The following ADGRB3 variants were observed in gnomAD, a reference collection of about 807,000 sequenced individuals.
ADGRB3 encodes adhesion G protein-coupled receptor B3, also known as brain-specific angiogenesis inhibitor 3.
A neutral mutation model predicts 193.4 loss-of-function variants in ADGRB3; 37 were observed. The observed-to-expected ratio is 0.19, with a 90% CI of 0.15 to 0.25. The LOEUF (loss-of-function observed/expected upper bound fraction) is 0.25. ADGRB3 is among the 10% of genes least tolerant of loss of function. The pLI, the probability that ADGRB3 is intolerant of heterozygous loss-of-function variation, is 1.00. For synonymous variants in ADGRB3, 690 were observed against 644.2 expected, an observed-to-expected ratio of 1.07 and a Z score of -1.08; for missense variants, 1,637 against 1,852.9, an observed-to-expected ratio of 0.88 and a Z score of 2.14.
chr6:69,150,521 G>A lies in ADGRB3; in HGVS notation c.2480+74483G>A, dbSNP rs1378935077. Among the ~76,000 whole-genome samples the A allele has an allele frequency of 3.3e-5, 5 of 152,156 alleles. No homozygotes were observed. The East Asian group carries it at 9.6e-4, about 29-fold the overall frequency. ...TTTCAGGTCAGTGCCCTACATCCTAGCCCAGAACAGGTCCATAAATTCCAT... is the reference window on the plus strand; with the variant it reads ...TTTCAGGTCAGTGCCCTACATCCTAACCCAGAACAGGTCCATAAATTCCAT... On this transcript the variant is annotated intron_variant, in intron 17 of 31. Coordinates refer to ENST00000370598, the MANE Select transcript of ADGRB3 (RefSeq NM_001704.3).
rs1208572880 is a variant in ADGRB3, at chr6:68,916,972, T to C, written c.758-13587T>C. 3.9e-5 allele frequency among the ~76,000 whole-genome samples: 6 copies of C among 152,182 alleles called. No homozygotes were observed. The East Asian group carries it at 9.6e-4, about 24-fold the overall frequency. ...TTGTAAAGGATCTGTCCCTGTGCTA[T>C]GTGGAGAATTCTCAGCAGCAGAAAT... On this transcript the variant is annotated intron_variant, in intron 3 of 31. Transcript: ENST00000370598.
chr6:69,284,039 T>G (rs1767498651), intron 20 of ADGRB3, among the ~76,000 whole-genome samples: 1 of 152,176 alleles, frequency 6.6e-6, no homozygotes, highest in Non-Finnish European at 1.5e-5. Context: ...ACGATGCCTC[T>G]TTCTTTTACC....
intron 3 of ADGRB3, among the ~76,000 whole-genome samples, chr6:68,830,459 G>T (rs1767930738): frequency 6.6e-6 from 1 of 152,018 alleles, no homozygotes; most frequent in South Asian, 2.1e-4. Flanking sequence ...TATATTATTT[G>T]CATTCAGACG....
intron 3 of ADGRB3, among the ~76,000 whole-genome samples, chr6:68,821,665 G>A (rs1308436153): frequency 1.3e-5 from 2 of 151,266 alleles, no homozygotes; most frequent in Admixed American, 6.6e-5. Flanking sequence ...TTCTTGCATA[G>A]TGTCATATAA....
At chr6:69,125,069 C>A (rs907003760) in intron 17 of ADGRB3, among the ~76,000 whole-genome samples, 1 of 152,138 alleles carries the variant, frequency 6.6e-6, no homozygotes. Context: ...CATCACCAGG[C>A]AGAGATGTTG....
At chr6:68,850,538 C>T (rs1768376312) in intron 3 of ADGRB3, among the ~76,000 whole-genome samples, 1 of 151,450 alleles carries the variant, frequency 6.6e-6, no homozygotes, top group African/African-American at 2.4e-5. Flanking sequence ...TTGAGTAGGC[C>T]ATGTCTTATT....
chr6:69,306,684 C>T (rs1201273563), intron 20 of ADGRB3, among the ~76,000 whole-genome samples: 4 of 151,480 alleles, frequency 2.6e-5, no homozygotes, highest in African/African-American at 9.7e-5. Flanking sequence ...TTACAATGAA[C>T]AGTGACCACA....
At chr6:69,129,630 A>G (rs1336825207) in intron 17 of ADGRB3, among the ~76,000 whole-genome samples, 1 of 152,120 alleles carries the variant, frequency 6.6e-6, no homozygotes, top group African/African-American at 2.4e-5. Flanking sequence ...CGCTACACAT[A>G]TGCTATTACA....
intron 3 of ADGRB3, among the ~76,000 whole-genome samples, chr6:68,851,309 A>G (rs1387380793): frequency 6.6e-6 from 1 of 151,644 alleles, no homozygotes; most frequent in Non-Finnish European, 1.5e-5. Context: ...TTCAAATATT[A>G]TAGTATCGTC....
chr6:69,062,047 T>C (rs1299839938), intron 15 of ADGRB3, among the ~76,000 whole-genome samples: 2 of 152,000 alleles, frequency 1.3e-5, no homozygotes, highest in Non-Finnish European at 2.9e-5. Flanking sequence ...GAATAGTACA[T>C]GACCGATGGA....
Position 68,638,909 on chromosome 6 carries a change from T to C in ADGRB3, c.234T>C (p.Leu78=). ...SIYLKFSKKD[L]SCSNFSLLAY... ...ACCTGAAATTTTCCAAAAAGGACCT[T>C]AGCTGCTCTAACTTTTCACTCCTGG... The change falls in exon 3 of 32, where the codon CTT becomes CTC. Residue 78 remains leucine (L), a synonymous_variant. Coordinates refer to ENST00000370598, the MANE Select transcript of ADGRB3 (RefSeq NM_001704.3). The C allele has an allele frequency of 6.2e-7, 1 of 1,614,168 alleles. No homozygotes were observed. Among genetic ancestry groups the C allele is most frequent in the Non-Finnish European group, 8.5e-7 (1 of 1,180,010 alleles).
chr6:69,350,596 C>A (rs1769201240), intron 26 of ADGRB3, among the ~76,000 whole-genome samples: 1 of 151,816 alleles, frequency 6.6e-6, no homozygotes, highest in Non-Finnish European at 1.5e-5. Context: ...CTCAAAGATG[C>A]AATGATTTTA....
chr6:68,944,342 G>A (rs1767719796), intron 6 of ADGRB3, among the ~76,000 whole-genome samples: 1 of 152,088 alleles, frequency 6.6e-6, no homozygotes, highest in Non-Finnish European at 1.5e-5. Flanking sequence ...TGGAACTAGG[G>A]AGATCTGATT....
intron 3 of ADGRB3, among the ~76,000 whole-genome samples, chr6:68,800,303 A>G (rs1277256614): frequency 2.6e-5 from 4 of 152,176 alleles, no homozygotes; most frequent in African/African-American, 7.2e-5. Context: ...GAATATGGGG[A>G]AGAACAAATC....
intron 8 of ADGRB3, among the ~76,000 whole-genome samples, chr6:68,972,502 C>G (rs1287103057): frequency 6.6e-6 from 1 of 152,128 alleles, no homozygotes; most frequent in Non-Finnish European, 1.5e-5. Flanking sequence ...CCTCTGGATT[C>G]AATATGTAAT....
At chr6:68,648,122 C>T (rs1036504750) in intron 3 of ADGRB3, among the ~76,000 whole-genome samples, 3 of 152,144 alleles carry the variant, frequency 2.0e-5, no homozygotes, top group African/African-American at 7.2e-5. Context: ...AGCTACACGG[C>T]TGTAAAAGTT....
chr6:69,208,409 C>T (rs571842499), intron 17 of ADGRB3, among the ~76,000 whole-genome samples: 1 of 152,358 alleles, frequency 6.6e-6, no homozygotes, highest in Non-Finnish European at 1.5e-5. Context: ...TTCAGCCAAA[C>T]CATTGGCTAC....
At chr6:69,204,703 G>C (rs138310230) in intron 17 of ADGRB3, among the ~76,000 whole-genome samples, 229 of 152,224 alleles carry the variant, frequency 1.5e-3, no homozygotes, top group African/African-American at 5.1e-3. Context: ...ATTTTATCTA[G>C]AAATTAAAAG....
intron 3 of ADGRB3, among the ~76,000 whole-genome samples, chr6:68,797,264 GACAA>G (rs762089716): frequency 5.3e-5 from 8 of 152,140 alleles, no homozygotes; most frequent in Non-Finnish European, 8.8e-5. Context: ...AGTGAGAGGA[GACAA>G]ACAAATGATC....
Sources: gnomAD v4.1 joint callset for allele counts (sites outside exome capture counted in the v4.1 genomes callset) on GRCh38, gnomAD v4.1.1 for gene constraint, MANE v1.5 for transcripts, NCBI Gene and HGNC (gene_info 2026-07-23, HGNC 2026-07-21) for gene names.